Variants in RBFOX3 observed in about 807,000 individuals in gnomAD.
RBFOX3 encodes RNA binding protein fox-1 homolog 3.
RBFOX3 carries 17 observed loss-of-function variants against 48.7 expected under a neutral mutation model. The ratio of observed to expected loss-of-function variants is 0.35; its 90% CI spans 0.24 to 0.52. RBFOX3 has a LOEUF of 0.52. Among genes scored for constraint, RBFOX3 ranks in the 20% least tolerant of loss-of-function variants. The probability of loss-of-function intolerance (pLI) is 0.94; values close to 1 mark genes in which losing one functional copy is unlikely to be tolerated. For missense variants in RBFOX3, 382 were observed against 497.5 expected (o/e 0.77, Z 2.21); for synonymous variants, 212 against 209.5 (o/e 1.01, Z -0.10).
At chr17:79,258,966 C>A (rs1412507466) in intron 3 of RBFOX3, among the ~76,000 whole-genome samples, 1 of 152,258 alleles carries the variant, frequency 6.6e-6, no homozygotes, top group South Asian at 2.1e-4. Context: ...TCAGCGCTTG[C>A]TAGAGGGAAG....
chr17:79,567,600 C>T (rs1232578858), intron 1 of RBFOX3, among the ~76,000 whole-genome samples: 1 of 152,158 alleles, frequency 6.6e-6, no homozygotes, highest in East Asian at 1.9e-4. Context: ...TGTATATATG[C>T]ATCAAAATAT....
At chr17:79,611,170 C>CTCTCTCTCTCTCTCTCTCTCTCTCT (rs2093964435), upstream of RBFOX3, among the ~76,000 whole-genome samples, 3 of 29,818 alleles carry the variant, frequency 1.0e-4, 1 homozygote, top group Non-Finnish European at 1.9e-4. Flanking sequence ...CTCTCTCTCT[C>CTCTCTCTCTCTCTCTCTCTCTCTCT]TCTCCGCCCT....
chr17:79,278,678 A>G (rs112392616), intron 3 of RBFOX3, among the ~76,000 whole-genome samples: 123 of 152,370 alleles, frequency 8.1e-4, no homozygotes, highest in African/African-American at 2.9e-3. Context: ...TCTGGTGTCC[A>G]GGTGCAGCCT....
chr17:79,464,870 C>A (rs1480483088), intron 2 of RBFOX3, among the ~76,000 whole-genome samples: 2 of 152,184 alleles, frequency 1.3e-5, no homozygotes, highest in Non-Finnish European at 2.9e-5. Context: ...GTGAATGAGT[C>A]CTCAGTCCCT....
intron 1 of RBFOX3, among the ~76,000 whole-genome samples, chr17:79,587,294 T>C (rs970381533): frequency 6.6e-6 from 1 of 152,130 alleles, no homozygotes; most frequent in African/African-American, 2.4e-5. Flanking sequence ...CTGTGCAATG[T>C]AAGGGGCAGC....
At chr17:79,528,714 G>C (rs889345155) in intron 1 of RBFOX3, among the ~76,000 whole-genome samples, 1 of 152,020 alleles carries the variant, frequency 6.6e-6, no homozygotes, top group African/African-American at 2.4e-5. Context: ...GCAGAGGCTG[G>C]AGTAAGGCAG....
intron 4 of RBFOX3, among the ~76,000 whole-genome samples, chr17:79,157,481 A>C (rs2046076260): frequency 1.3e-5 from 2 of 152,242 alleles, no homozygotes; most frequent in African/African-American, 4.8e-5. Flanking sequence ...CTGGGTCACC[A>C]AATCTAGCCC....
At chr17:79,347,070 G>A (rs1316975749) in intron 2 of RBFOX3, among the ~76,000 whole-genome samples, 4 of 152,148 alleles carry the variant, frequency 2.6e-5, no homozygotes, top group East Asian at 1.9e-4. Context: ...CACTGCATAG[G>A]AGAATGGAAG....
rs1314541037 is a variant in RBFOX3 at position 79,531,283 on chromosome 17, G to T, written c.-319-48685C>A. The stretch of plus-strand genomic sequence containing the variant: ...GGGTCTGCAGCACAGGTGCCCACCT[G>T]CCCTGCCAGCATCTATTGCCGCCCA... On this transcript the variant is annotated intron_variant, in intron 1 of 14. Coordinates refer to ENST00000693108, the MANE Select transcript of RBFOX3 (RefSeq NM_001350451.2). 1.3e-5 allele frequency among the ~76,000 whole-genome samples: 2 copies of T among 152,304 alleles called. 1 individual carries two copies. The highest frequency in any genetic ancestry group is 1.3e-4 in the Admixed American group (2 of 15,308).
intron 2 of RBFOX3, among the ~76,000 whole-genome samples, chr17:79,339,883 C>T (rs577148806): frequency 1.3e-5 from 2 of 152,346 alleles, no homozygotes; most frequent in East Asian, 3.9e-4. Flanking sequence ...ACGACTCCAG[C>T]CCTTGCTGAA....
In RBFOX3 at chr17:79,097,318, G is replaced by C. The variant is rs868812416; in HGVS notation, c.729C>G (p.Pro243=). The C allele has an allele frequency of 3.2e-6, 5 of 1,545,692 alleles. No homozygotes were observed. Among genetic ancestry groups the C allele is most frequent in the Middle Eastern group, 3.4e-4 (2 of 5,920 alleles). The change falls in exon 11 of 15, where the codon CCC becomes CCG. Residue 243 remains proline, a synonymous_variant. Coordinates refer to ENST00000693108, the MANE Select transcript of RBFOX3 (RefSeq NM_001350451.2). ...CTCCGTAAGTCGGGATGGGGGGTGGGGGTGGCGCAGCCCGAAATGTATTAT... is the reference window on the plus strand; with the variant it reads ...CTCCGTAAGTCGGGATGGGGGGTGGCGGTGGCGCAGCCCGAAATGTATTAT... ...AVYNTFRAAP[P]PPPIPTYGAA...
At chr17:79,114,971 A>G (rs922609217) in intron 5 of RBFOX3, among the ~76,000 whole-genome samples, 7 of 152,206 alleles carry the variant, frequency 4.6e-5, no homozygotes, top group Admixed American at 4.6e-4. Context: ...TTACAACCAC[A>G]TAATTGAAGC....
intron 3 of RBFOX3, among the ~76,000 whole-genome samples, chr17:79,265,603 G>A (rs191607245): frequency 2.0e-5 from 3 of 152,292 alleles, no homozygotes; most frequent in East Asian, 1.9e-4. Flanking sequence ...CTGGGCACGC[G>A]GGTCTGTAAT....
At position 79,381,403 on chromosome 17, in the gene RBFOX3, C is replaced by T. The variant is rs191676094; in HGVS notation, c.-174-73579G>A. Among the ~76,000 whole-genome samples, 19 of 151,416 alleles carry T rather than the reference C, an allele frequency of 1.3e-4. No homozygotes were observed. In the East Asian group the frequency reaches 3.1e-3, roughly 25 times the overall value. ...GATGGTGTACATGTTTTTCTTTGTACGGAGTCTTTGAAGCCCAGCGCGTGT... is the reference window on the plus strand; with the variant it reads ...GATGGTGTACATGTTTTTCTTTGTATGGAGTCTTTGAAGCCCAGCGCGTGT... On this transcript the variant is annotated intron_variant, in intron 2 of 14. Coordinates refer to ENST00000693108, the MANE Select transcript of RBFOX3 (RefSeq NM_001350451.2).
At chr17:79,533,103 GC>G (rs1255585269) in intron 1 of RBFOX3, among the ~76,000 whole-genome samples, 5 of 152,258 alleles carry the variant, frequency 3.3e-5, no homozygotes, top group Non-Finnish European at 7.3e-5. Flanking sequence ...AAGAGGCGTT[GC>G]CCCCATTTTC....
At chr17:79,248,141 C>T (rs1353171211) in intron 3 of RBFOX3, among the ~76,000 whole-genome samples, 2 of 152,182 alleles carry the variant, frequency 1.3e-5, no homozygotes, top group East Asian at 3.9e-4. Context: ...CTCCGGGGCA[C>T]AGGAGAGGGA....
At chr17:79,360,398 G>T (rs2086090834) in intron 2 of RBFOX3, among the ~76,000 whole-genome samples, 1 of 152,296 alleles carries the variant, frequency 6.6e-6, no homozygotes, top group East Asian at 1.9e-4. Flanking sequence ...CCGCCAACAG[G>T]TGCCACTGGA....
intron 2 of RBFOX3, among the ~76,000 whole-genome samples, chr17:79,353,044 C>T (rs1207598743): frequency 6.6e-6 from 1 of 152,236 alleles, no homozygotes. Flanking sequence ...TGCCTCGGGA[C>T]ATCAGGATGA....
chr17:79,205,188 T>G lies in RBFOX3; in HGVS notation c.-34+30578A>C, dbSNP rs1455655371. Among the ~76,000 whole-genome samples the G allele has an allele frequency of 6.6e-6, 1 of 152,118 alleles. No homozygotes were observed. The highest frequency in any genetic ancestry group is 2.4e-5 in the African/African-American group (1 of 41,408). ...ACCTGTGGATACTTGCCAGAGAACC[T>G]GTGTCCTGGGGAAGGGGACTAGCAG... is the stretch of plus-strand genomic sequence containing the variant. On this transcript the variant is annotated intron_variant, in intron 4 of 14. Transcript: ENST00000693108. The surrounding 1 kb of genome is among the most constrained non-coding windows in gnomAD (Gnocchi z 4.5).
Sources: gnomAD v4.1 joint callset for allele counts (sites outside exome capture counted in the v4.1 genomes callset) on GRCh38, gnomAD v4.1.1 for gene constraint, Gnocchi (gnomAD v3.1) non-coding constraint, MANE v1.5 for transcripts, NCBI Gene and HGNC (gene_info 2026-07-23, HGNC 2026-07-21) for gene names.